Variants in PDE4D observed in about 807,000 individuals in gnomAD.
PDE4D encodes the protein phosphodiesterase 4D, also known as 3',5'-cyclic-AMP phosphodiesterase 4D.
In PDE4D, 24 loss-of-function variants were observed where a neutral mutation model predicts 87.4. The observed-to-expected ratio is 0.27, with a 90% CI of 0.20 to 0.39. PDE4D has a LOEUF of 0.39. Among genes scored for constraint, PDE4D ranks in the 10% least tolerant of loss-of-function variants. PDE4D has a pLI of 1.00. For missense variants in PDE4D, 714 were observed against 1,041.0 expected, an observed-to-expected ratio of 0.69 and a Z score of 4.32; for synonymous variants, 384 against 383.2, an observed-to-expected ratio of 1.00 and a Z score of -0.02.
At chr5:59,680,371 T>A (rs920849605) in intron 1 of PDE4D, among the ~76,000 whole-genome samples, 1 of 152,164 alleles carries the variant, frequency 6.6e-6, no homozygotes, top group African/African-American at 2.4e-5. Flanking sequence ...AAAACATGGA[T>A]ACCTACACCT....
At chr5:59,616,738 G>A (rs1829715335) in intron 1 of PDE4D, among the ~76,000 whole-genome samples, 1 of 151,286 alleles carries the variant, frequency 6.6e-6, no homozygotes, top group Non-Finnish European at 1.5e-5. Context: ...TTGCTTCTGT[G>A]TTTTTTGGTA....
chr5:59,275,674 G>A, intron 1 of PDE4D: 1 of 1,147,870 alleles, frequency 8.7e-7, no homozygotes, highest in Non-Finnish European at 1.1e-6. Context: ...AATGCCAAGG[G>A]AGGAACTGAA....
At position 59,069,148 on chromosome 5, in the gene PDE4D, T is replaced by TA; in HGVS notation, c.809-30178dup. ...TCCGTTAGACCTTTTCTTTAACTGA[T>TA]AAAATAAAGCAAGCATTCCAAAAAT... On this transcript the variant is annotated intron_variant, in intron 5 of 14. Coordinates refer to ENST00000340635, the MANE Select transcript of PDE4D (RefSeq NM_001104631.2). Among the ~76,000 whole-genome samples the TA allele has an allele frequency of 1.3e-5, 2 of 152,156 alleles. 1 individual carries two copies. The highest frequency in any genetic ancestry group is 4.8e-5 in the African/African-American group (2 of 41,428).
intron 5 of PDE4D, among the ~76,000 whole-genome samples, chr5:59,043,116 C>A (rs1759968965): frequency 6.6e-6 from 1 of 152,116 alleles, no homozygotes; most frequent in Admixed American, 6.5e-5. Context: ...ACTGTATCGG[C>A]TTGTCATAAT....
At chr5:60,209,996 G>A (rs1743002131) in intron 1 of PDE4D, among the ~76,000 whole-genome samples, 1 of 152,020 alleles carries the variant, frequency 6.6e-6, no homozygotes, top group African/African-American at 2.4e-5. Flanking sequence ...TGAAAAGAAA[G>A]GAAAATACAC....
chr5:60,421,447 G>A (rs1469086759), intron 1 of PDE4D, among the ~76,000 whole-genome samples: 7 of 152,166 alleles, frequency 4.6e-5, no homozygotes, highest in Admixed American at 4.6e-4. Context: ...TGCAGCTGAG[G>A]GACCTGACTG....
At chr5:59,441,496 G>A (rs973323143) in intron 1 of PDE4D, among the ~76,000 whole-genome samples, 7 of 152,068 alleles carry the variant, frequency 4.6e-5, no homozygotes, top group African/African-American at 1.2e-4. Flanking sequence ...TGGCAGTTCC[G>A]AAGACATCAT....
At chr5:60,110,324 G>A (rs530148897) in intron 2 of PDE4D, among the ~76,000 whole-genome samples, 3 of 151,910 alleles carry the variant, frequency 2.0e-5, no homozygotes, top group East Asian at 3.9e-4. Context: ...CAATTCAACA[G>A]AAAAAAACAA....
chr5:59,588,023 C>A lies in PDE4D; in HGVS notation c.455+305145G>T, dbSNP rs1295881614. ...AAAAAAAAGCACCGGGGTGGGGAAG[C>A]CTTGTTTACTTGATGATTTGTAACC... On this transcript the variant is annotated intron_variant, in intron 1 of 14. Transcript: ENST00000340635. Among the ~76,000 whole-genome samples, 3 of 152,156 alleles carry A rather than the reference C, an allele frequency of 2.0e-5. 1 individual carries two copies. The highest frequency in any genetic ancestry group is 4.2e-4 in the South Asian group (2 of 4,814).
chr5:60,092,355 G>A (rs1775226327), intron 2 of PDE4D, among the ~76,000 whole-genome samples: 1 of 151,974 alleles, frequency 6.6e-6, no homozygotes, highest in Non-Finnish European at 1.5e-5. Flanking sequence ...TTAGATAGAA[G>A]GAATAAGTTA....
intron 1 of PDE4D, among the ~76,000 whole-genome samples, chr5:59,690,254 T>C (rs1243198769): frequency 1.3e-5 from 2 of 152,184 alleles, no homozygotes; most frequent in Non-Finnish European, 2.9e-5. Flanking sequence ...AGAGCCCGCA[T>C]TGCCAAGACA....
At chr5:59,997,023 T>A (rs192957854) in intron 2 of PDE4D, among the ~76,000 whole-genome samples, 1 of 152,132 alleles carries the variant, frequency 6.6e-6, no homozygotes, top group Admixed American at 6.5e-5. Context: ...AATAGAAAAA[T>A]CTCTCATTCA....
At chr5:59,332,507 T>G (rs1776918905) in intron 1 of PDE4D, among the ~76,000 whole-genome samples, 2 of 152,184 alleles carry the variant, frequency 1.3e-5, no homozygotes, top group African/African-American at 4.8e-5. Context: ...TACTCTGTAT[T>G]TGATATAAAA....
chr5:59,573,476 G>A (rs1050299906), intron 1 of PDE4D, among the ~76,000 whole-genome samples: 1 of 151,954 alleles, frequency 6.6e-6, no homozygotes, highest in Non-Finnish European at 1.5e-5. Flanking sequence ...TACTGGGGAG[G>A]GATCTGTTTA....
At chr5:59,749,156 A>G (rs896838220) in intron 1 of PDE4D, among the ~76,000 whole-genome samples, 1 of 152,210 alleles carries the variant, frequency 6.6e-6, no homozygotes, top group African/African-American at 2.4e-5. Context: ...CTTGTGTTGT[A>G]TGCCACCAAT....
At chr5:59,726,930 G>A (rs560023523) in intron 1 of PDE4D, among the ~76,000 whole-genome samples, 18 of 151,998 alleles carry the variant, frequency 1.2e-4, no homozygotes, top group South Asian at 2.1e-4. Context: ...AGAGTTGAGC[G>A]CCTGCTATGT....
intron 2 of PDE4D, among the ~76,000 whole-genome samples, chr5:60,050,456 A>T (rs1395966784): frequency 6.6e-6 from 1 of 152,244 alleles, no homozygotes; most frequent in Non-Finnish European, 1.5e-5. Context: ...GTGAAGGAGA[A>T]ATAAAATCCT....
intron 1 of PDE4D, among the ~76,000 whole-genome samples, chr5:60,292,001 T>A (rs1583320776): frequency 6.6e-6 from 1 of 152,166 alleles, no homozygotes; most frequent in African/African-American, 2.4e-5. Context: ...TTTCGTTACA[T>A]AGGGAAACAT....
chr5:59,832,776 T>A (rs1487837473), intron 1 of PDE4D, among the ~76,000 whole-genome samples: 1 of 152,070 alleles, frequency 6.6e-6, no homozygotes, highest in African/African-American at 2.4e-5. Flanking sequence ...TAATCAATAT[T>A]GGACAAAGAT....
Sources: gnomAD v4.1 joint callset for allele counts (sites outside exome capture counted in the v4.1 genomes callset) on GRCh38, gnomAD v4.1.1 for gene constraint, MANE v1.5 for transcripts, NCBI Gene and HGNC (gene_info 2026-07-23, HGNC 2026-07-21) for gene names.